Variants in DCLK1 observed in about 807,000 individuals in gnomAD.
DCLK1 encodes the protein serine/threonine-protein kinase DCLK1.
In DCLK1, 16 loss-of-function variants were observed where a neutral mutation model predicts 86.2. The ratio of observed to expected loss-of-function variants is 0.19; its 90% CI spans 0.13 to 0.28. The LOEUF is 0.28. Among genes scored for constraint, DCLK1 ranks in the 10% least tolerant of loss-of-function variants. The probability of loss-of-function intolerance (pLI) is 1.00; values close to 1 mark genes in which losing one functional copy is unlikely to be tolerated. For synonymous variants in DCLK1, 369 were observed against 370.5 expected (o/e 1.00, Z 0.05); for missense variants, 590 against 940.2 (o/e 0.63, Z 4.87).
chr13:36,120,612 C>A (rs368132276), intron 2 of DCLK1, among the ~76,000 whole-genome samples: 65 of 152,024 alleles, frequency 4.3e-4, no homozygotes, highest in African/African-American at 1.4e-3. Context: ...CACATGACTG[C>A]CCTCTCAATC....
intron 15 of DCLK1, among the ~76,000 whole-genome samples, chr13:35,802,484 T>C (rs923870607): frequency 8.5e-5 from 13 of 152,322 alleles, no homozygotes; most frequent in African/African-American, 3.1e-4. Context: ...AGAGCTAATA[T>C]GCAATTTGAC....
chr13:35,853,734 C>A (rs9601483), intron 6 of DCLK1, among the ~76,000 whole-genome samples: 2 of 152,248 alleles, frequency 1.3e-5, no homozygotes, highest in East Asian at 1.9e-4. Context: ...ACATTCCCCC[C>A]ACCTTGCGTC....
chr13:35,940,815 G>A (rs903091964), intron 4 of DCLK1, among the ~76,000 whole-genome samples: 2 of 152,158 alleles, frequency 1.3e-5, no homozygotes, highest in Non-Finnish European at 2.9e-5. Context: ...TCGCTTTCTG[G>A]TTCCAAAGAG....
chr13:35,805,664 A>G (rs1438533532), intron 15 of DCLK1, 35 bp downstream of exon 15: 1 of 1,582,634 alleles, frequency 6.3e-7, no homozygotes, highest in South Asian at 1.1e-5. Context: ...AAGGAATGTT[A>G]GGAGAGAACA....
chr13:35,837,731 T>C (rs1869488856), intron 7 of DCLK1, among the ~76,000 whole-genome samples: 1 of 152,008 alleles, frequency 6.6e-6, no homozygotes, highest in African/African-American at 2.4e-5. Flanking sequence ...TTTTTTTCCT[T>C]GACTATTCAT....
intron 4 of DCLK1, among the ~76,000 whole-genome samples, chr13:35,921,068 G>T (rs1057116065): frequency 6.6e-6 from 1 of 151,970 alleles, no homozygotes; most frequent in South Asian, 2.1e-4. Flanking sequence ...TTTACCCCTG[G>T]GTCCCTCCAA....
At chr13:36,001,767 G>C (rs1880732787) in intron 3 of DCLK1, among the ~76,000 whole-genome samples, 1 of 152,062 alleles carries the variant, frequency 6.6e-6, no homozygotes, top group African/African-American at 2.4e-5. Context: ...GTTTTTATTT[G>C]GTGGGTAATT....
intron 1 of DCLK1, among the ~76,000 whole-genome samples, chr13:36,130,441 G>T (rs566028028): frequency 1.3e-5 from 2 of 152,140 alleles, no homozygotes; most frequent in Non-Finnish European, 2.9e-5. Flanking sequence ...GCGCAAACCT[G>T]GTTTTCAAAA....
Position 35,843,610 on chromosome 13 carries a change from T to C in DCLK1, c.1036-4434A>G, listed in dbSNP as rs542069897. On this transcript the variant is annotated intron_variant, in intron 6 of 16. Coordinates refer to ENST00000360631, the MANE Select transcript of DCLK1 (RefSeq NM_001330071.2). ...AATGTTGTCACTCAGCTGGGGTCCA[T>C]GCTGCATAAAGGTTTTGAAAATATC... Among the ~76,000 whole-genome samples, 335 of 152,344 alleles carry C rather than the reference T, an allele frequency of 2.2e-3. 3 individuals are homozygous for C. The highest frequency in any genetic ancestry group is 7.5e-3 in the African/African-American group (313 of 41,592).
intron 4 of DCLK1, among the ~76,000 whole-genome samples, chr13:35,944,007 A>AAAATGGTTACATTC (rs1303383742): frequency 1.3e-5 from 2 of 152,108 alleles, no homozygotes; most frequent in Non-Finnish European, 1.5e-5. Context: ...CGATATCGCT[A>AAAATGGTTACATTC]AAATGGTTAC....
At chr13:35,810,760 G>T (rs1593613961) in intron 12 of DCLK1, 75 bp downstream of exon 12, 1 of 1,558,396 alleles carries the variant, frequency 6.4e-7, no homozygotes, top group East Asian at 2.3e-5. Context: ...GGGCACAGCA[G>T]TACTATTTTT....
chr13:35,795,888 G>A (rs1177330959), intron 15 of DCLK1, among the ~76,000 whole-genome samples: 1 of 132,048 alleles, frequency 7.6e-6, no homozygotes, highest in Non-Finnish European at 1.5e-5. Context: ...CTGCGCCATT[G>A]CACTCCAGCC....
intron 4 of DCLK1, among the ~76,000 whole-genome samples, chr13:35,889,724 T>C (rs1672072473): frequency 2.0e-5 from 3 of 152,172 alleles, no homozygotes; most frequent in South Asian, 4.1e-4. Context: ...CCAATCCTCA[T>C]TTATGACATT....
chr13:35,776,714 C>T (rs906805681), intron 16 of DCLK1, among the ~76,000 whole-genome samples: 7 of 152,206 alleles, frequency 4.6e-5, no homozygotes, highest in Admixed American at 1.3e-4. Context: ...GTTTTAAAAT[C>T]AAGTAACTGC....
rs376854573 is a variant in DCLK1 at position 35,862,100 on chromosome 13, T to C, written c.941-7507A>G. ...CCCCATGCATGGTTCCATTTTCATC[T>C]TTACAAATCTCTTGTTGAGGCAGCG... On this transcript the variant is annotated intron_variant, in intron 5 of 16. Coordinates refer to ENST00000360631, the MANE Select transcript of DCLK1 (RefSeq NM_001330071.2). Among the ~76,000 whole-genome samples, 96 of 152,052 alleles carry C rather than the reference T, an allele frequency of 6.3e-4. 1 individual carries two copies. The South Asian group carries it at 0.02, about 31-fold the overall frequency.
chr13:35,800,543 G>A (rs942777494), intron 15 of DCLK1, among the ~76,000 whole-genome samples: 18 of 152,114 alleles, frequency 1.2e-4, no homozygotes, highest in Admixed American at 2.0e-4. Flanking sequence ...GCAAGAATAC[G>A]GCAGAGCATG....
At chr13:35,840,269 G>A (rs1333237585) in intron 6 of DCLK1, among the ~76,000 whole-genome samples, 1 of 152,178 alleles carries the variant, frequency 6.6e-6, no homozygotes, top group African/African-American at 2.4e-5. Flanking sequence ...GGAGGAAAGA[G>A]GTTTGATGTA....
At chr13:36,129,033 A>G (rs1886280962) in intron 1 of DCLK1, among the ~76,000 whole-genome samples, 1 of 152,222 alleles carries the variant, frequency 6.6e-6, no homozygotes. Flanking sequence ...ATAAAGGCCA[A>G]ACTCACTTTT....
At chr13:35,880,339 G>C (rs951732579) in intron 4 of DCLK1, among the ~76,000 whole-genome samples, 1 of 152,160 alleles carries the variant, frequency 6.6e-6, no homozygotes, top group African/African-American at 2.4e-5. Flanking sequence ...TGCTGTGTGC[G>C]AACCCGAGTG....
Sources: gnomAD v4.1 joint callset for allele counts (sites outside exome capture counted in the v4.1 genomes callset) on GRCh38, gnomAD v4.1.1 for gene constraint, MANE v1.5 for transcripts, NCBI Gene and HGNC (gene_info 2026-07-23, HGNC 2026-07-21) for gene names.